Variants in CLDN14 observed in about 807,000 individuals in gnomAD.
The protein encoded by CLDN14 is claudin 14, also known as claudin-14.
In CLDN14, 2 loss-of-function variants were observed where a neutral mutation model predicts 2.1. The ratio of observed to expected loss-of-function variants is 0.96; its 90% CI spans 0.39 to 3.01. The LOEUF (loss-of-function observed/expected upper bound fraction) is 3.01. CLDN14 is among the 30% of genes most tolerant of loss of function. The probability of loss-of-function intolerance (pLI) is 0.09; values close to 1 mark genes in which losing one functional copy is unlikely to be tolerated. For missense variants in CLDN14, 298 were observed against 328.0 expected (o/e 0.91, Z 0.71); for synonymous variants, 136 against 154.4 (o/e 0.88, Z 0.88).
At chr21:36,571,521 G>A (rs1047443001) in intron 1 of CLDN14, among the ~76,000 whole-genome samples, 4 of 152,160 alleles carry the variant, frequency 2.6e-5, no homozygotes, top group African/African-American at 9.7e-5. Context: ...GCCCTTCAAT[G>A]CTTAGAAACA....
At chr21:36,520,738 G>A (rs1385130907) in intron 1 of CLDN14, among the ~76,000 whole-genome samples, 1 of 152,110 alleles carries the variant, frequency 6.6e-6, no homozygotes, top group Non-Finnish European at 1.5e-5. Context: ...ATCCTCTGAG[G>A]GGACACAATT....
intron 1 of CLDN14, among the ~76,000 whole-genome samples, chr21:36,573,225 C>T (rs1038944325): frequency 2.7e-5 from 4 of 148,154 alleles, no homozygotes; most frequent in South Asian, 2.1e-4. Context: ...GGTGTGAACC[C>T]GGGAGGCGGA....
intron 1 of CLDN14, among the ~76,000 whole-genome samples, chr21:36,545,539 G>T (rs183599087): frequency 6.6e-6 from 1 of 152,250 alleles, no homozygotes; most frequent in East Asian, 1.9e-4. Context: ...GGGGCTCTTT[G>T]TGCCTATATT....
At chr21:36,547,205 T>A (rs1217151020) in intron 1 of CLDN14, among the ~76,000 whole-genome samples, 1 of 152,230 alleles carries the variant, frequency 6.6e-6, no homozygotes, top group African/African-American at 2.4e-5. Context: ...GTATTCATGG[T>A]ATACACGCTG....
chr21:36,483,990 C>T (rs141426588), upstream of CLDN14, among the ~76,000 whole-genome samples: 1,134 of 152,304 alleles, frequency 7.4e-3, 4 homozygotes, highest in Middle Eastern at 0.017. Flanking sequence ...GGGCCAGATA[C>T]GGACCCACTG....
Position 36,461,108 on chromosome 21 carries a change from G to C in CLDN14, c.588C>G (p.Ala196=), listed in dbSNP as rs144371384. ...QDEAPYRPYQ[A]PPRATTTTAN... ...CAGTGGTCGTGGTGGCCCTGGGCGG[G>C]GCCTGGTAGGGCCTGTAGGGTGCCT... Residue 196 remains alanine (A), a synonymous_variant, in exon 2 of 2, where the codon GCC becomes GCG. Transcript: ENST00000399135. 115 of 1,614,164 alleles carry C rather than the reference G, an allele frequency of 7.1e-5. 3 individuals are homozygous for C. In the South Asian group the frequency reaches 1.2e-3, roughly 17 times the overall value.
At chr21:36,486,204 A>G (rs1318021806) in intron 2 of CLDN14, 1 of 976,728 alleles carries the variant, frequency 1.0e-6, no homozygotes, top group African/African-American at 1.6e-5. Context: ...ATGTCTACTG[A>G]TTCCGCCTGG....
rs537591274 is a variant in CLDN14 at position 36,543,930 on chromosome 21, C to T, written c.-220+32481G>A. ...AGTTGATTCCTAAAGTGGGAGAGAG[C>T]GTGCATGATGATAGGGACTGTTTAC... On this transcript the variant is annotated intron_variant, in intron 1 of 2. Coordinates refer to the CLDN14 transcript ENST00000342108. 5.9e-5 allele frequency among the ~76,000 whole-genome samples: 9 copies of T among 152,320 alleles called. No homozygotes were observed. In the East Asian group the frequency reaches 1.5e-3, roughly 26 times the overall value.
rs561893372 is a variant in CLDN14, at chr21:36,519,665, G to A, written c.-219-9165C>T. On this transcript the variant is annotated intron_variant, in intron 1 of 2. Transcript: ENST00000342108. ...GTGGAGGTTGCAGTGAGCTGAGATC[G>A]CGCCACTGCACTCCGGCCTGGGCAA... is the stretch of plus-strand genomic sequence containing the variant. 3.3e-4 allele frequency among the ~76,000 whole-genome samples: 50 copies of A among 152,106 alleles called. 1 individual carries two copies. The highest frequency in any genetic ancestry group is 5.1e-4 in the Non-Finnish European group (35 of 68,020).
At chr21:36,466,197 C>T (rs1213613087) in intron 1 of CLDN14, among the ~76,000 whole-genome samples, 3 of 152,210 alleles carry the variant, frequency 2.0e-5, no homozygotes, top group Non-Finnish European at 2.9e-5. Context: ...AGACACCCCC[C>T]TGCACCCCCT....
Position 36,463,046 on chromosome 21 carries a change from G to GA in CLDN14, c.-81-1271dup, listed in dbSNP as rs1568840874. Among the ~76,000 whole-genome samples the GA allele has an allele frequency of 2.0e-5, 3 of 151,994 alleles. No homozygotes were observed. In the South Asian group the frequency reaches 6.2e-4, roughly 32 times the overall value. On this transcript the variant is annotated intron_variant, in intron 1 of 1. Transcript: ENST00000399135. ...GAAGGGGGAGCACAGAGAAAGGAAGGAAAAAAAGGAAGGGATGAAGGCAGA... is the reference window on the plus strand; with the variant it reads ...GAAGGGGGAGCACAGAGAAAGGAAGGAAAAAAAAGGAAGGGATGAAGGCAGA...
intron 1 of CLDN14, among the ~76,000 whole-genome samples, chr21:36,527,830 A>T (rs8134973): frequency 6.6e-6 from 1 of 151,544 alleles, no homozygotes; most frequent in African/African-American, 2.4e-5. Context: ...TCTGTATCTC[A>T]GGGGGAAGAA....
At chr21:36,504,168 A>G (rs1781946342) in intron 2 of CLDN14, among the ~76,000 whole-genome samples, 1 of 150,960 alleles carries the variant, frequency 6.6e-6, no homozygotes, top group South Asian at 2.1e-4. Context: ...GCAAAATCCC[A>G]TCTATATGTA....
chr21:36,494,740 C>A (rs1423836009), intron 2 of CLDN14, among the ~76,000 whole-genome samples: 3 of 152,180 alleles, frequency 2.0e-5, no homozygotes, highest in Non-Finnish European at 4.4e-5. Flanking sequence ...AGGGAGGGGG[C>A]CTCAGGAGAA....
At chr21:36,539,343 A>AGT (rs200424906) in intron 1 of CLDN14, among the ~76,000 whole-genome samples, 1 of 149,956 alleles carries the variant, frequency 6.7e-6, no homozygotes, top group Admixed American at 6.6e-5. Context: ...GTGTGGAGTG[A>AGT]GTGTGTGTGG....
chr21:36,549,085 C>A (rs1490946054), intron 1 of CLDN14, among the ~76,000 whole-genome samples: 1 of 152,052 alleles, frequency 6.6e-6, no homozygotes, highest in Non-Finnish European at 1.5e-5. Flanking sequence ...TACCCAACAA[C>A]CTTCTACAGA....
intron 1 of CLDN14, among the ~76,000 whole-genome samples, chr21:36,530,779 T>C (rs377267894): frequency 6.6e-6 from 1 of 151,256 alleles, no homozygotes; most frequent in South Asian, 2.1e-4. Context: ...CCGGGGGAGT[T>C]TGGGAGGGAG....
At chr21:36,474,461 C>G (rs2086749200) in intron 1 of CLDN14, among the ~76,000 whole-genome samples, 1 of 152,208 alleles carries the variant, frequency 6.6e-6, no homozygotes, top group Non-Finnish European at 1.5e-5. Flanking sequence ...CAGAATTGCA[C>G]TAAAATATTT....
rs2087069943 is a variant in CLDN14 at position 36,499,225 on chromosome 21, T to C, written c.-82+11138A>G. ...CTGACCTTCAGCACTTTGATGTGAA[T>C]GGGGCCATTGCTTTCAGCTTTCTCC... On this transcript the variant is annotated intron_variant, in intron 2 of 2. Coordinates refer to the CLDN14 transcript ENST00000342108. The surrounding 1 kb of genome is among the most constrained non-coding windows in gnomAD (Gnocchi z 4.7). 6.6e-6 allele frequency among the ~76,000 whole-genome samples: 1 copy of C among 152,234 alleles called. No individual in the cohort carries two copies.
Sources: allele counts gnomAD v4.1 joint callset (sites outside exome capture counted in the v4.1 genomes callset), GRCh38; gene constraint gnomAD v4.1.1; non-coding constraint Gnocchi (gnomAD v3.1); transcripts MANE v1.5; gene names NCBI Gene and HGNC (gene_info 2026-07-23, HGNC 2026-07-21).